The following ZG16B variants were observed in gnomAD, a reference collection of about 807,000 sequenced individuals.
The protein encoded by ZG16B is pancreatic adenocarcinoma up-regulated factor.
In ZG16B, 8 loss-of-function variants were observed where a neutral mutation model predicts 7.0. The ratio of observed to expected loss-of-function variants is 1.15; its 90% CI spans 0.68 to 2.08. The LOEUF (loss-of-function observed/expected upper bound fraction) is 2.08. Ranked by LOEUF, ZG16B falls within the 30% of genes most tolerant of loss-of-function variation. The pLI, the probability that ZG16B is intolerant of heterozygous loss-of-function variation, is 0.00. For synonymous variants in ZG16B, 92 were observed against 86.1 expected, an observed-to-expected ratio of 1.07 and a Z score of -0.38; for missense variants, 232 against 211.0, an observed-to-expected ratio of 1.10 and a Z score of -0.62.
At position 2,832,191 on chromosome 16, in the gene ZG16B, A is replaced by G. The variant is rs1180141124; in HGVS notation, c.*32A>G. 3.1e-6 allele frequency: 5 copies of G among 1,596,502 alleles called. No homozygotes were observed. The highest frequency in any genetic ancestry group is 4.3e-6 in the Non-Finnish European group (5 of 1,168,804). The stretch of plus-strand genomic sequence containing the variant: ...GTATGGGGCCATCCGAGCTGAGGCC[A>G]TCTGGGTGGTGGTGGCTGATGGTAC... On this transcript the variant is annotated 3_prime_UTR_variant, in exon 4 of 4. Coordinates refer to ENST00000382280, the MANE Select transcript of ZG16B (RefSeq NM_145252.3).
chr16:2,831,801 A>T lies in ZG16B; in HGVS notation c.161A>T (p.Gln54Leu). The T allele has an allele frequency of 1.2e-6, 2 of 1,610,968 alleles. No homozygotes were observed. The highest frequency in any genetic ancestry group is 8.5e-7 in the Non-Finnish European group (1 of 1,177,972). ...AAGCTTTGCCTCTCTCCCAGTGTCCAGGTGAAACTTGGAGACTCCTGGGAC... is the reference window on the plus strand; with the variant it reads ...AAGCTTTGCCTCTCTCCCAGTGTCCTGGTGAAACTTGGAGACTCCTGGGAC... ...SVGLLLVKSVQVKLGDSWDVK... is the reference protein window; with the variant it reads ...SVGLLLVKSVLVKLGDSWDVK... Residue 54 changes from glutamine (Q) to leucine (L), a missense_variant, in exon 4 of 4, where the codon CAG (glutamine) becomes CTG (leucine). Physicochemically the swap from Gln to Leu is moderately radical, Grantham distance 113. Transcript: ENST00000382280.
rs1231739515 is a variant in ZG16B at position 2,830,675 on chromosome 16, G to C, written c.53-19G>C. On this transcript the variant is annotated intron_variant, in intron 2 of 3. Transcript: ENST00000382280. ...ACCGCATGGGGATTTTCTTCCCTTT[G>C]GGTCTCTCTTTTCTTCAGAGATGTA... 2 of 1,613,904 alleles carry C rather than the reference G, an allele frequency of 1.2e-6. No homozygotes were observed. Among genetic ancestry groups the C allele is most frequent in the Non-Finnish European group, 1.7e-6 (2 of 1,179,806 alleles).
chr16:2,830,314 C>T lies in ZG16B; in HGVS notation c.-42C>T. ...GAGGGTGCCCGGCACAACCAGACGCCCAGTCACAGGCGAGGTAAGGTGCTT... is the reference window on the plus strand; with the variant it reads ...GAGGGTGCCCGGCACAACCAGACGCTCAGTCACAGGCGAGGTAAGGTGCTT... On this transcript the variant is annotated 5_prime_UTR_variant, in exon 1 of 4. Transcript: ENST00000382280. 6.2e-7 allele frequency: 1 copy of T among 1,613,350 alleles called. No individual in the cohort carries two copies.
At position 2,830,628 on chromosome 16, in the gene ZG16B, T is replaced by C. The variant is rs116600375; in HGVS notation, c.53-66T>C. ...CCTGGAGGGGTGGGGTCCCCTGTTCTGGCAGAGGTCACCCCCATATCACCG... is the reference window on the plus strand; with the variant it reads ...CCTGGAGGGGTGGGGTCCCCTGTTCCGGCAGAGGTCACCCCCATATCACCG... On this transcript the variant is annotated intron_variant, in intron 2 of 3. Transcript: ENST00000382280. 8,985 of 1,601,112 alleles carry C rather than the reference T, an allele frequency of 5.6e-3. 407 individuals are homozygous for C. The African/African-American group carries it at 0.11, about 19-fold the overall frequency.
At chr16:2,830,831 G>C in intron 3 of ZG16B, 35 bp downstream of exon 3, 1 of 1,607,938 alleles carries the variant, frequency 6.2e-7, no homozygotes, top group Non-Finnish European at 8.5e-7. Flanking sequence ...CCAGCGCCAT[G>C]TCCCCTCCCA....
chr16:2,830,494 G>GT lies in ZG16B; in HGVS notation c.52+2dup. ...CTGGGGGGCCCCACCTGGGCAGGGAGTAAGTCAGTGGGGTCTGCCCTCAAT... is the reference window on the plus strand; with the variant it reads ...CTGGGGGGCCCCACCTGGGCAGGGAGTTAAGTCAGTGGGGTCTGCCCTCAAT... On this transcript the variant is annotated splice_donor_variant, in intron 2 of 3. Coordinates refer to ENST00000382280, the MANE Select transcript of ZG16B (RefSeq NM_145252.3). LOFTEE classifies it high-confidence loss of function. The GT allele has an allele frequency of 6.3e-7, 1 of 1,596,802 alleles. No homozygotes were observed. The highest frequency in any genetic ancestry group is 8.5e-7 in the Non-Finnish European group (1 of 1,171,854).
At position 2,831,810 on chromosome 16, in the gene ZG16B, T is replaced by C. The variant is rs1408373606; in HGVS notation, c.170T>C (p.Leu57Pro). ...CTCTCTCCCAGTGTCCAGGTGAAAC[T>C]TGGAGACTCCTGGGACGTGAAACTG... ...LLLVKSVQVK[L>P]GDSWDVKLGA... Residue 57 changes from leucine (L) to proline (P), a missense_variant, in exon 4 of 4, where the codon CTT becomes CCT. Leu to Pro is a moderately conservative substitution (Grantham distance 98). Transcript: ENST00000382280. The C allele has an allele frequency of 1.2e-6, 2 of 1,612,334 alleles. No individual in the cohort carries two copies. Among genetic ancestry groups the C allele is most frequent in the African/African-American group, 1.3e-5 (1 of 74,958 alleles).
In ZG16B at chr16:2,830,350, G is replaced by T. The variant is rs368417788; in HGVS notation, c.-28+22G>T. The T allele has an allele frequency of 1.9e-6, 3 of 1,611,026 alleles. No individual in the cohort carries two copies. The East Asian group carries it at 6.7e-5, about 36-fold the overall frequency. On this transcript the variant is annotated intron_variant, in intron 1 of 3. Coordinates refer to ENST00000382280, the MANE Select transcript of ZG16B (RefSeq NM_145252.3). ...CGAGGTAAGGTGCTTGGCTCCATGG[G>T]TGGGGCCCGGCAAGGTCACACTGGC...
Position 2,831,853 on chromosome 16 carries a change from T to C in ZG16B, c.213T>C (p.Asn71=). The C allele has an allele frequency of 6.2e-7, 1 of 1,614,026 alleles. No homozygotes were observed. The highest frequency in any genetic ancestry group is 8.5e-7 in the Non-Finnish European group (1 of 1,179,978). The change falls in exon 4 of 4, where the codon AAT becomes AAC. Residue 71 remains asparagine (N), a synonymous_variant. Coordinates refer to ENST00000382280, the MANE Select transcript of ZG16B (RefSeq NM_145252.3). The part of the protein sequence containing the change: ...WDVKLGALGG[N]TQEVTLQPGE... ...TGAAACTGGGAGCCTTAGGTGGGAA[T>C]ACCCAGGAAGTCACCCTGCAGCCAG... is the stretch of plus-strand genomic sequence containing the variant.
chr16:2,831,129 G>A (rs957392063), intron 3 of ZG16B: 5 of 263,026 alleles, frequency 1.9e-5, no homozygotes, highest in Non-Finnish European at 3.0e-5. Context: ...AATATGAGTC[G>A]CAGAAGTGTT....
At position 2,830,464 on chromosome 16, in the gene ZG16B, C is replaced by T; in HGVS notation, c.23C>T (p.Ala8Val). Reference protein sequence around the residue: MLLLLTLALLGGPTWAGK... With the variant: MLLLLTLVLLGGPTWAGK... ...GCCATGCTGCTGCTGCTCACGCTTG[C>T]CCTCCTGGGGGGCCCCACCTGGGCA... is the stretch of plus-strand genomic sequence containing the variant. The change falls in exon 2 of 4, where the codon GCC (alanine) becomes GTC (valine). Residue 8 changes from alanine (A) to valine (V), a missense_variant. By Grantham distance (64) the Ala-to-Val change is moderately conservative. Coordinates refer to ENST00000382280, the MANE Select transcript of ZG16B (RefSeq NM_145252.3). 1 of 1,601,280 alleles carries T rather than the reference C, an allele frequency of 6.2e-7. No homozygotes were observed.
chr16:2,830,381 C>A (rs2069245250), intron 1 of ZG16B, 34 bp from the exon 2 acceptor site: 2 of 1,606,254 alleles, frequency 1.2e-6, no homozygotes, highest in Non-Finnish European at 1.7e-6. Context: ...CTGGCCCTTG[C>A]TTTGGAGTCA....
rs1204205355 is a variant in ZG16B at position 2,832,028 on chromosome 16, G to A, written c.388G>A (p.Gly130Ser). 6.2e-7 allele frequency: 1 copy of A among 1,614,150 alleles called. No homozygotes were observed. The highest frequency in any genetic ancestry group is 8.5e-7 in the Non-Finnish European group (1 of 1,180,036). Residue 130 changes from glycine to serine, a missense_variant, in exon 4 of 4, where the codon GGC (glycine) becomes AGC (serine). By Grantham distance (56) the Gly-to-Ser change is moderately conservative. Coordinates refer to ENST00000382280, the MANE Select transcript of ZG16B (RefSeq NM_145252.3). ...CAGCCAAGAGGGGCAGGTGCTGGTG[G>A]GCATCTATGGCCAGTATCAACTCCT... ...YPSQEGQVLV[G>S]IYGQYQLLGI...
chr16:2,830,404 TCTTCCCA>T lies in ZG16B; in HGVS notation c.-27-9_-27-3del. 1 of 1,605,082 alleles carries T rather than the reference TCTTCCCA, an allele frequency of 6.2e-7. No individual in the cohort carries two copies. The stretch of plus-strand genomic sequence containing the variant: ...TGCTTTGGAGTCAGGAGGCCTCTCT[TCTTCCCA>T]CAGAGCCCTGGGATGCACCGGCCAG... On this transcript the variant is annotated splice_region_variant and splice_polypyrimidine_tract_variant and intron_variant, in intron 1 of 3. Transcript: ENST00000382280.
In ZG16B at chr16:2,832,237, G is replaced by A. The variant is rs907955840; in HGVS notation, c.*78G>A. The A allele has an allele frequency of 1.5e-5, 23 of 1,530,354 alleles. No homozygotes were observed. The highest frequency in any genetic ancestry group is 7.6e-5 in the South Asian group (6 of 78,674). 94.8% of individuals were successfully genotyped at this position (1,530,354 alleles called of 1,614,324 possible). Reference sequence around the variant, plus strand: ...GGTACTGGAGTAACTGAGTCGGGACGCTGAATCTGAATCCACCAATAAATA... The same window carrying A: ...GGTACTGGAGTAACTGAGTCGGGACACTGAATCTGAATCCACCAATAAATA... On this transcript the variant is annotated 3_prime_UTR_variant, in exon 4 of 4. Coordinates refer to ENST00000382280, the MANE Select transcript of ZG16B (RefSeq NM_145252.3).
intron 2 of ZG16B, 96 bp downstream of exon 2, chr16:2,830,589 A>C: frequency 6.3e-7 from 1 of 1,585,420 alleles, no homozygotes; most frequent in South Asian, 1.1e-5. Flanking sequence ...CTGGTCACAG[A>C]ACCATCCTGT....
In ZG16B at chr16:2,830,348, G is replaced by T. The variant is rs2069244872; in HGVS notation, c.-28+20G>T. The T allele has an allele frequency of 6.2e-7, 1 of 1,611,670 alleles. No individual in the cohort carries two copies. Among genetic ancestry groups the T allele is most frequent in the Non-Finnish European group, 8.5e-7 (1 of 1,179,048 alleles). Reference sequence around the variant, plus strand: ...GGCGAGGTAAGGTGCTTGGCTCCATGGGTGGGGCCCGGCAAGGTCACACTG... The same window carrying T: ...GGCGAGGTAAGGTGCTTGGCTCCATTGGTGGGGCCCGGCAAGGTCACACTG... On this transcript the variant is annotated intron_variant, in intron 1 of 3. Transcript: ENST00000382280.
chr16:2,831,706 C>A, intron 3 of ZG16B, 90 bp from the exon 4 acceptor site: 1 of 1,521,622 alleles, frequency 6.6e-7, no homozygotes, highest in Admixed American at 2.1e-5. Flanking sequence ...GGACTCTCTG[C>A]ATCCCGGGAA....
At position 2,830,485 on chromosome 16, in the gene ZG16B, G is replaced by A; in HGVS notation, c.44G>A (p.Trp15Ter). Residue 15 changes from tryptophan to a stop codon, truncating the protein, a stop_gained, in exon 2 of 4, where the codon TGG becomes TAG. Transcript: ENST00000382280. LOFTEE classifies it high-confidence loss of function. Reference sequence around the variant, plus strand: ...CTTGCCCTCCTGGGGGGCCCCACCTGGGCAGGGAGTAAGTCAGTGGGGTCT... The same window carrying A: ...CTTGCCCTCCTGGGGGGCCCCACCTAGGCAGGGAGTAAGTCAGTGGGGTCT... The part of the protein sequence containing the change: ...LTLALLGGPT[W>*]AGKMYGPGGG... 1.3e-6 allele frequency: 2 copies of A among 1,597,412 alleles called. No individual in the cohort carries two copies. Among genetic ancestry groups the A allele is most frequent in the Non-Finnish European group, 1.7e-6 (2 of 1,172,208 alleles).
Sources: gnomAD v4.1 joint callset for allele counts on GRCh38, gnomAD v4.1.1 for gene constraint, MANE v1.5 for transcripts, NCBI Gene and HGNC (gene_info 2026-07-23, HGNC 2026-07-21) for gene names.